Variants in CTNNA2 observed in about 807,000 individuals in gnomAD.
CTNNA2 encodes catenin alpha-2.
Under a neutral mutation model 101.0 loss-of-function variants are expected in CTNNA2, and 42 were observed. That is an observed-to-expected ratio of 0.42 (90% CI 0.32 to 0.54). CTNNA2 has a LOEUF of 0.54. Ranked by LOEUF, CTNNA2 falls within the 20% of genes least tolerant of loss-of-function variation. The pLI is 0.14. For missense variants in CTNNA2, 871 were observed against 1,223.1 expected, an observed-to-expected ratio of 0.71 and a Z score of 4.29; for synonymous variants, 450 against 456.4, an observed-to-expected ratio of 0.99 and a Z score of 0.18.
intron 9 of CTNNA2, among the ~76,000 whole-genome samples, chr2:80,507,325 A>T (rs1386552975): frequency 1.3e-5 from 2 of 151,996 alleles, no homozygotes; most frequent in Admixed American, 6.6e-5. Context: ...TATCCCTTTT[A>T]CTTTTTTTGA....
chr2:80,315,551 G>T (rs1049527742), intron 7 of CTNNA2, among the ~76,000 whole-genome samples: 1 of 152,168 alleles, frequency 6.6e-6, no homozygotes, highest in East Asian at 1.9e-4. Flanking sequence ...TCATCCTCCA[G>T]TAGGCTAGCT....
intron 1 of CTNNA2, among the ~76,000 whole-genome samples, chr2:79,542,515 A>G (rs1181525968): frequency 1.3e-5 from 2 of 152,160 alleles, no homozygotes; most frequent in African/African-American, 4.8e-5. Context: ...CTTTGAAGCA[A>G]AATTCCCAGA....
intron 1 of CTNNA2, among the ~76,000 whole-genome samples, chr2:79,646,462 A>G (rs1003941558): frequency 6.7e-6 from 1 of 150,074 alleles, no homozygotes; most frequent in Non-Finnish European, 1.5e-5. Context: ...TATCTGAAGT[A>G]TTACCAGGTG....
Position 80,302,556 on chromosome 2 carries a change from C to G in CTNNA2, c.1057-90655C>G. The stretch of plus-strand genomic sequence containing the variant: ...GTGACCACCTTGTGGATCTGCACGG[C>G]GTTCTCGGCGTGCTCGCCGCCTGGA... On this transcript the variant is annotated intron_variant, in intron 7 of 18. Transcript: ENST00000402739. This position sits in a 1 kb window ranked among gnomAD's most constrained non-coding sequence, Gnocchi z 6.4. 6.2e-7 allele frequency: 1 copy of G among 1,608,856 alleles called. No individual in the cohort carries two copies. The highest frequency in any genetic ancestry group is 8.5e-7 in the Non-Finnish European group (1 of 1,179,494).
chr2:79,863,154 AAAAAG>A (rs948905860), intron 4 of CTNNA2, among the ~76,000 whole-genome samples: 2 of 147,286 alleles, frequency 1.4e-5, no homozygotes, highest in Non-Finnish European at 3.0e-5. Flanking sequence ...AAACAACAAA[AAAAAG>A]TTCTACAATC....
intron 18 of CTNNA2, among the ~76,000 whole-genome samples, chr2:80,626,841 TC>T (rs1671737025): frequency 6.6e-6 from 1 of 152,158 alleles, no homozygotes; most frequent in Non-Finnish European, 1.5e-5. Flanking sequence ...TTTAGATATT[TC>T]TCCTAATGCT....
chr2:79,225,064 T>C (rs572694347), intron 2 of CTNNA2, among the ~76,000 whole-genome samples: 1 of 152,210 alleles, frequency 6.6e-6, no homozygotes, highest in African/African-American at 2.4e-5. Flanking sequence ...TTGACTACTA[T>C]GAGTAAAACT....
intron 5 of CTNNA2, among the ~76,000 whole-genome samples, chr2:79,873,537 G>A (rs1682752248): frequency 6.6e-6 from 1 of 152,112 alleles, no homozygotes. Context: ...TGGAGGATGT[G>A]CCAAGTCAGT....
At chr2:80,437,405 T>C (rs1432650026) in intron 9 of CTNNA2, among the ~76,000 whole-genome samples, 2 of 152,214 alleles carry the variant, frequency 1.3e-5, no homozygotes, top group Non-Finnish European at 2.9e-5. Context: ...TTTAACATGA[T>C]AAAAGTGAAA....
intron 2 of CTNNA2, among the ~76,000 whole-genome samples, chr2:79,731,841 T>A (rs1413004697): frequency 1.7e-5 from 1 of 58,556 alleles, no homozygotes; most frequent in African/African-American, 1.6e-4. Flanking sequence ...TATTTTTGTT[T>A]TTTTTTTTTA....
chr2:79,767,244 T>G (rs537139448), intron 3 of CTNNA2, among the ~76,000 whole-genome samples: 2 of 152,216 alleles, frequency 1.3e-5, no homozygotes, highest in South Asian at 4.1e-4. Context: ...ATTTTGAATG[T>G]CTTCTCTGTG....
chr2:80,436,794 A>G (rs1219867365), intron 9 of CTNNA2, among the ~76,000 whole-genome samples: 1 of 152,028 alleles, frequency 6.6e-6, no homozygotes, highest in Non-Finnish European at 1.5e-5. Context: ...AAGCGCACCA[A>G]TCCCATTCAC....
At chr2:79,857,973 C>T (rs770442594) in intron 3 of CTNNA2, 40 bp from the exon 4 acceptor site, 7 of 1,591,088 alleles carry the variant, frequency 4.4e-6, no homozygotes, top group Non-Finnish European at 5.2e-6. Flanking sequence ...GTCTCTAAGC[C>T]TCTTGTCTAC....
At chr2:79,863,268 G>A (rs902899902) in intron 4 of CTNNA2, among the ~76,000 whole-genome samples, 1 of 152,178 alleles carries the variant, frequency 6.6e-6, no homozygotes, top group Admixed American at 6.5e-5. Context: ...ACATGGTCAG[G>A]ACTCCTGCTC....
chr2:79,333,939 T>G (rs1295521180), intron 3 of CTNNA2, among the ~76,000 whole-genome samples: 2 of 152,138 alleles, frequency 1.3e-5, no homozygotes, highest in Non-Finnish European at 2.9e-5. Context: ...TTGTTGCTTT[T>G]GTTATTATTT....
intron 9 of CTNNA2, among the ~76,000 whole-genome samples, chr2:80,495,855 G>C (rs904982160): frequency 6.8e-6 from 1 of 146,642 alleles, no homozygotes; most frequent in Non-Finnish European, 1.5e-5. Context: ...CAGGGGAATA[G>C]CTTGAGCCCG....
intron 7 of CTNNA2, among the ~76,000 whole-genome samples, chr2:80,227,771 G>A (rs1038754775): frequency 2.2e-4 from 34 of 152,090 alleles, no homozygotes; most frequent in Admixed American, 2.2e-3. Context: ...TTTATGACTT[G>A]TCTGAGAGAT....
At chr2:79,776,246 T>C (rs1230999840) in intron 3 of CTNNA2, among the ~76,000 whole-genome samples, 4 of 151,892 alleles carry the variant, frequency 2.6e-5, no homozygotes, top group Admixed American at 6.6e-5. Context: ...TCTAATAAAT[T>C]CCAACCAGTT....
At chr2:80,479,832 T>C (rs1387797393) in intron 9 of CTNNA2, among the ~76,000 whole-genome samples, 1 of 152,196 alleles carries the variant, frequency 6.6e-6, no homozygotes, top group African/African-American at 2.4e-5. Context: ...GGAGTCCACA[T>C]TGGAAAGGTC....
Sources: allele counts gnomAD v4.1 joint callset (sites outside exome capture counted in the v4.1 genomes callset), GRCh38; gene constraint gnomAD v4.1.1; non-coding constraint Gnocchi (gnomAD v3.1); transcripts MANE v1.5; gene names NCBI Gene and HGNC (gene_info 2026-07-23, HGNC 2026-07-21).